Variants in STK35 observed in about 807,000 individuals in gnomAD.
STK35 encodes serine/threonine kinase 35, also known as serine/threonine-protein kinase 35.
STK35 carries 17 observed loss-of-function variants against 37.3 expected under a neutral mutation model. The observed-to-expected ratio is 0.46, with a 90% confidence interval of 0.31 to 0.68. STK35 has a LOEUF of 0.68. STK35 is among the 30% of genes least tolerant of loss of function. The pLI, the probability that STK35 is intolerant of heterozygous loss-of-function variation, is 0.05. For synonymous variants in STK35, 385 were observed against 319.1 expected, an observed-to-expected ratio of 1.21 and a Z score of -2.20; for missense variants, 595 against 746.7, an observed-to-expected ratio of 0.80 and a Z score of 2.37.
rs1457974364 is a variant in STK35, at chr20:2,117,923, T to A, written c.*37+508T>A. ...AATTATCTGAGTACACGTTGGAAAG[T>A]CTAGAGAAGTCTTCTCAGAGGAGGT... On this transcript the variant is annotated intron_variant, in intron 3 of 3. Transcript: ENST00000381482. The surrounding 1 kb of genome is among the most constrained non-coding windows in gnomAD (Gnocchi z 4.4). Among the ~76,000 whole-genome samples the A allele has an allele frequency of 6.6e-6, 1 of 152,216 alleles. No homozygotes were observed. The highest frequency in any genetic ancestry group is 1.5e-5 in the Non-Finnish European group (1 of 68,032).
Position 2,131,018 on chromosome 20 carries a change from C to CGAT in STK35, c.*38-12765_*38-12763dup, listed in dbSNP as rs574978660. Among the ~76,000 whole-genome samples the CGAT allele has an allele frequency of 2.4e-3, 372 of 152,290 alleles. 1 individual carries two copies. Among genetic ancestry groups the CGAT allele is most frequent in the African/African-American group, 8.4e-3 (349 of 41,552 alleles). ...TGGTTACTGAGAATTAGCAGCTTGC[C>CGAT]GATCATCTTGCATTCACTATATACT... On this transcript the variant is annotated intron_variant, in intron 3 of 3. Transcript: ENST00000381482.
In STK35 at chr20:2,116,588, T is replaced by C; in HGVS notation, c.893-78T>C. 2.1e-6 allele frequency: 3 copies of C among 1,458,998 alleles called. No individual in the cohort carries two copies. In the South Asian group the frequency reaches 3.9e-5, roughly 19 times the overall value. The allele number at this position is 1,458,998 out of a possible 1,614,324, so 90.4% of individuals were successfully genotyped here. On this transcript the variant is annotated intron_variant, in intron 2 of 3. Transcript: ENST00000381482. The stretch of plus-strand genomic sequence containing the variant: ...GTTTGTCACCAATGTCACTCTTGAA[T>C]ACACTGCATCCTTTAGTTAAAAAGA...
At chr20:2,135,059 G>T (rs1417110477) in intron 3 of STK35, among the ~76,000 whole-genome samples, 1 of 152,090 alleles carries the variant, frequency 6.6e-6, no homozygotes, top group East Asian at 1.9e-4. Flanking sequence ...CTCCAGAGGG[G>T]GAGTAGGGAG....
At chr20:2,130,392 G>A (rs1485606317) in intron 3 of STK35, among the ~76,000 whole-genome samples, 1 of 152,158 alleles carries the variant, frequency 6.6e-6, no homozygotes, top group Non-Finnish European at 1.5e-5. Flanking sequence ...TTCTCATTAG[G>A]TTATGATGTG....
In STK35 at chr20:2,143,866, G is replaced by C. The variant is rs1467831606; in HGVS notation, c.*120G>C. On this transcript the variant is annotated 3_prime_UTR_variant, in exon 4 of 4. Coordinates refer to ENST00000381482, the MANE Select transcript of STK35 (RefSeq NM_080836.4). ...ACAGGTGGTGGCCTGGCCGGTTGGC[G>C]ATCTCCCGACAGCTGGATCCGGCAA... is the stretch of plus-strand genomic sequence containing the variant. 4 of 444,432 alleles carry C rather than the reference G, an allele frequency of 9.0e-6. No homozygotes were observed. The East Asian group carries it at 2.9e-4, about 32-fold the overall frequency. The allele number at this position is 444,432 out of a possible 1,614,324, so 27.5% of individuals were successfully genotyped here.
intron 2 of STK35, among the ~76,000 whole-genome samples, chr20:2,107,778 G>A (rs1985544015): frequency 1.3e-5 from 2 of 152,198 alleles, no homozygotes; most frequent in Admixed American, 6.5e-5. Context: ...CCTTAGAAAA[G>A]CAACTCTGAA....
chr20:2,114,232 C>A (rs144616494), intron 2 of STK35, among the ~76,000 whole-genome samples: 10 of 152,172 alleles, frequency 6.6e-5, no homozygotes, highest in African/African-American at 2.4e-4. Context: ...GTCCAGGGGC[C>A]TTTCCTGCGC....
chr20:2,108,185 A>G (rs1026472325), intron 2 of STK35, among the ~76,000 whole-genome samples: 1 of 152,194 alleles, frequency 6.6e-6, no homozygotes, highest in Non-Finnish European at 1.5e-5. Flanking sequence ...TCTTGGTTGT[A>G]AAATGGGCAT....
intron 3 of STK35, among the ~76,000 whole-genome samples, chr20:2,122,851 T>C (rs1985843262): frequency 6.6e-6 from 1 of 152,210 alleles, no homozygotes; most frequent in Non-Finnish European, 1.5e-5. Context: ...GCTTTTCTTT[T>C]GAAACAAAGC....
At chr20:2,104,859 GA>G (rs1985484106) in intron 2 of STK35, among the ~76,000 whole-genome samples, 1 of 151,940 alleles carries the variant, frequency 6.6e-6, no homozygotes, top group South Asian at 2.1e-4. Context: ...TTTTTGTTTT[GA>G]AAAGACTTCC....
At chr20:2,124,165 A>G (rs11700318) in intron 3 of STK35, among the ~76,000 whole-genome samples, 48,384 of 151,984 alleles carry the variant, frequency 0.32, 8,184 homozygotes, top group Non-Finnish European at 0.39. Context: ...GCATCAAAGT[A>G]GATAGAATTT....
At chr20:2,121,861 G>A (rs1985824540) in intron 3 of STK35, among the ~76,000 whole-genome samples, 1 of 152,298 alleles carries the variant, frequency 6.6e-6, no homozygotes, top group South Asian at 2.1e-4. Context: ...GTGGAGTAAT[G>A]GGGAAACCTG....
At chr20:2,131,294 A>ACTT (rs1985995222) in intron 3 of STK35, among the ~76,000 whole-genome samples, 1 of 152,196 alleles carries the variant, frequency 6.6e-6, no homozygotes, top group Non-Finnish European at 1.5e-5. Flanking sequence ...AACATAGAAA[A>ACTT]GGTACAGTGA....
chr20:2,119,893 C>G lies in STK35; in HGVS notation c.*37+2478C>G, dbSNP rs528389149. Reference sequence around the variant, plus strand: ...TGAGCTTGGTTTCATGTGTAGTGTTCTCAGTGAATGTATTTCTCGAGTGAG... The same window carrying G: ...TGAGCTTGGTTTCATGTGTAGTGTTGTCAGTGAATGTATTTCTCGAGTGAG... On this transcript the variant is annotated intron_variant, in intron 3 of 3. Coordinates refer to ENST00000381482, the MANE Select transcript of STK35 (RefSeq NM_080836.4). 2.2e-4 allele frequency among the ~76,000 whole-genome samples: 33 copies of G among 152,278 alleles called. No homozygotes were observed. In the South Asian group the frequency reaches 6.6e-3, roughly 31 times the overall value.
In STK35 at chr20:2,144,085, A is replaced by C. The variant is rs1412831998; in HGVS notation, c.*339A>C. ...TCAATGTGGGCAAGGCATATGTGTA[A>C]ATTTCACTTTTACTTTTTATAAGGG... On this transcript the variant is annotated 3_prime_UTR_variant, in exon 4 of 4. Coordinates refer to ENST00000381482, the MANE Select transcript of STK35 (RefSeq NM_080836.4). The C allele has an allele frequency of 3.0e-6, 1 of 331,604 alleles. No homozygotes were observed. The highest frequency in any genetic ancestry group is 5.8e-6 in the Non-Finnish European group (1 of 173,846). 20.5% of individuals were successfully genotyped at this position (331,604 alleles called of 1,614,324 possible).
intron 3 of STK35, among the ~76,000 whole-genome samples, chr20:2,126,825 C>G (rs1270227042): frequency 2.0e-5 from 3 of 152,148 alleles, no homozygotes; most frequent in Non-Finnish European, 4.4e-5. Flanking sequence ...GTTAGAGGTG[C>G]CAGGGGAAAG....
intron 3 of STK35, among the ~76,000 whole-genome samples, chr20:2,132,622 C>T (rs1241963737): frequency 2.6e-5 from 4 of 152,268 alleles, no homozygotes; most frequent in African/African-American, 9.6e-5. Flanking sequence ...TGAATTGCCA[C>T]ACTGGCAGTA....
chr20:2,108,237 G>GGT (rs1985553256), intron 2 of STK35, among the ~76,000 whole-genome samples: 1 of 152,158 alleles, frequency 6.6e-6, no homozygotes, highest in Non-Finnish European at 1.5e-5. Flanking sequence ...GGCCGTGTGC[G>GGT]GTGGCTCACA....
intron 3 of STK35, among the ~76,000 whole-genome samples, chr20:2,141,219 G>T (rs1374929497): frequency 6.6e-6 from 1 of 152,236 alleles, no homozygotes; most frequent in African/African-American, 2.4e-5. Context: ...TGAGATGGCT[G>T]CTGAATCATC....
Sources: gnomAD v4.1 joint callset for allele counts (sites outside exome capture counted in the v4.1 genomes callset) on GRCh38, gnomAD v4.1.1 for gene constraint, Gnocchi (gnomAD v3.1) non-coding constraint, MANE v1.5 for transcripts, NCBI Gene and HGNC (gene_info 2026-07-23, HGNC 2026-07-21) for gene names.